The following ZNF827 variants were observed in gnomAD, a reference collection of about 807,000 sequenced individuals.
The protein encoded by ZNF827 is zinc finger protein 827.
Under a neutral mutation model 102.4 loss-of-function variants are expected in ZNF827, and 13 were observed. That is an observed-to-expected ratio of 0.13 (90% CI 0.08 to 0.20). The LOEUF is 0.20. Ranked by LOEUF, ZNF827 falls within the 10% of genes least tolerant of loss-of-function variation. ZNF827 has a pLI of 1.00. For synonymous variants in ZNF827, 523 were observed against 536.2 expected (o/e 0.98, Z 0.34); for missense variants, 1,103 against 1,344.4 (o/e 0.82, Z 2.81).
chr4:145,882,636 C>A (rs973103292), intron 4 of ZNF827, among the ~76,000 whole-genome samples: 1 of 152,172 alleles, frequency 6.6e-6, no homozygotes, highest in Admixed American at 6.5e-5. Flanking sequence ...AAGAAAGACT[C>A]CCCTTAATAA....
In ZNF827 at chr4:145,863,442, GCA is replaced by G. The variant is rs542284955; in HGVS notation, c.1981+6801_1981+6802del. 2.5e-3 allele frequency among the ~76,000 whole-genome samples: 379 copies of G among 152,264 alleles called. 2 individuals are homozygous for G. Among genetic ancestry groups the G allele is most frequent in the African/African-American group, 8.8e-3 (364 of 41,556 alleles). ...AAAACCTAAGCCCACACAAAAACTT[GCA>G]CATGAATGTTCATAGTAGCAGAAGA... On this transcript the variant is annotated intron_variant, in intron 5 of 14. Transcript: ENST00000508784.
Position 145,824,835 on chromosome 4 carries a change from T to A in ZNF827, c.2280-1310A>T, listed in dbSNP as rs141175160. ...CATGCCACAAGGCTATGGTTGCTAT[T>A]ATTCAATTTTAAAAAGAGAATGTTA... On this transcript the variant is annotated intron_variant, in intron 7 of 14. Coordinates refer to ENST00000508784, the MANE Select transcript of ZNF827 (RefSeq NM_001306215.2). Among the ~76,000 whole-genome samples, 298 of 152,382 alleles carry A rather than the reference T, an allele frequency of 2.0e-3. 1 individual carries two copies. Among genetic ancestry groups the A allele is most frequent in the African/African-American group, 6.8e-3 (282 of 41,594 alleles).
At position 145,899,811 on chromosome 4, in the gene ZNF827, A is replaced by G. The variant is rs145847651; in HGVS notation, c.1093+2355T>C. Among the ~76,000 whole-genome samples the G allele has an allele frequency of 4.2e-3, 647 of 152,308 alleles. 4 individuals are homozygous for G. The highest frequency in any genetic ancestry group is 0.014 in the African/African-American group (590 of 41,552). On this transcript the variant is annotated intron_variant, in intron 2 of 14. Transcript: ENST00000508784. ...GTTGGGGTGGGGAGGCCTTAGGTACAAGTCAATCAGCACAGGGTTCTATAA... is the reference window on the plus strand; with the variant it reads ...GTTGGGGTGGGGAGGCCTTAGGTACGAGTCAATCAGCACAGGGTTCTATAA...
chr4:145,768,890 A>AAAAAAAT (rs1553975847), intron 11 of ZNF827, among the ~76,000 whole-genome samples: 1 of 7,724 alleles, frequency 1.3e-4, no homozygotes. Context: ...AAAAAAAAAA[A>AAAAAAAT]ATATATATAT....
At chr4:145,863,520 A>G (rs1010959362) in intron 5 of ZNF827, among the ~76,000 whole-genome samples, 3 of 152,268 alleles carry the variant, frequency 2.0e-5, no homozygotes, top group Non-Finnish European at 2.9e-5. Context: ...TATCCATACA[A>G]TGGAATATCA....
At chr4:145,826,049 G>A (rs918080995) in intron 7 of ZNF827, among the ~76,000 whole-genome samples, 1 of 152,160 alleles carries the variant, frequency 6.6e-6, no homozygotes, top group Non-Finnish European at 1.5e-5. Context: ...GAAGATATTA[G>A]GTTAACAGGG....
intron 7 of ZNF827, among the ~76,000 whole-genome samples, chr4:145,842,314 G>A (rs1449461266): frequency 6.6e-6 from 1 of 152,214 alleles, no homozygotes; most frequent in Non-Finnish European, 1.5e-5. Context: ...GGTGTGAGGA[G>A]GGAGGATTTG....
chr4:145,774,731 T>C (rs1736790284), intron 10 of ZNF827, 59 bp from the exon 11 acceptor site: 1 of 1,559,874 alleles, frequency 6.4e-7, no homozygotes, highest in East Asian at 2.3e-5. Context: ...TACTTCTAAA[T>C]GTAGGCTGTC....
At chr4:145,933,499 C>G (rs760657749) in intron 1 of ZNF827, among the ~76,000 whole-genome samples, 1 of 152,064 alleles carries the variant, frequency 6.6e-6, no homozygotes, top group African/African-American at 2.4e-5. Flanking sequence ...TAAGAAATCC[C>G]GTTGCTTTTC....
chr4:145,891,784 T>G (rs1166941067), intron 3 of ZNF827, among the ~76,000 whole-genome samples: 1 of 152,096 alleles, frequency 6.6e-6, no homozygotes, highest in Non-Finnish European at 1.5e-5. Flanking sequence ...TTCCTCTTAG[T>G]TTGCAAGCTG....
intron 7 of ZNF827, among the ~76,000 whole-genome samples, chr4:145,836,653 C>T (rs1011372982): frequency 7.9e-5 from 12 of 152,032 alleles, no homozygotes; most frequent in African/African-American, 2.9e-4. Flanking sequence ...CTGTATCTCT[C>T]TGATCCACCT....
Position 145,823,437 on chromosome 4 carries a change from T to G in ZNF827, c.2368A>C (p.Arg790=). ...GTTTCCATACCTGGAGCTGATATTC[T>G]TCCGTGCAGCACGGAGTCACTGGGC... is the stretch of plus-strand genomic sequence containing the variant. The part of the protein sequence containing the change: ...LLPSDSVLHG[R]ISAPETEKIV... The change falls in exon 8 of 15, where the codon AGA becomes CGA. Residue 790 remains arginine (R), a synonymous_variant. Transcript: ENST00000508784. The G allele has an allele frequency of 6.2e-7, 1 of 1,613,632 alleles. No homozygotes were observed. The highest frequency in any genetic ancestry group is 8.5e-7 in the Non-Finnish European group (1 of 1,179,578).
intron 1 of ZNF827, among the ~76,000 whole-genome samples, chr4:145,923,537 T>C (rs976687057): frequency 6.6e-6 from 1 of 151,554 alleles, no homozygotes; most frequent in African/African-American, 2.4e-5. Context: ...GAGAACCGCT[T>C]GAACCCAGGA....
intron 8 of ZNF827, among the ~76,000 whole-genome samples, chr4:145,804,366 T>A (rs1247037794): frequency 6.6e-6 from 1 of 152,100 alleles, no homozygotes; most frequent in Non-Finnish European, 1.5e-5. Context: ...ATTATCTCAC[T>A]CCCTATCTCA....
chr4:145,781,129 G>C (rs1737926068), intron 8 of ZNF827, among the ~76,000 whole-genome samples: 1 of 145,758 alleles, frequency 6.9e-6, no homozygotes, highest in Admixed American at 6.9e-5. Flanking sequence ...CCGGGAGGTG[G>C]AGGTTGCAGT....
chr4:145,809,565 TTAC>T (rs1741813340), intron 8 of ZNF827, among the ~76,000 whole-genome samples: 1 of 152,224 alleles, frequency 6.6e-6, no homozygotes, highest in Admixed American at 6.5e-5. Flanking sequence ...CTATAATCCC[TTAC>T]TGCTCAGGAG....
intron 5 of ZNF827, among the ~76,000 whole-genome samples, chr4:145,859,515 T>C (rs1394198851): frequency 1.3e-5 from 2 of 152,168 alleles, no homozygotes; most frequent in Admixed American, 6.5e-5. Context: ...CACTAGTAGA[T>C]AATGTTCCCT....
intron 11 of ZNF827, among the ~76,000 whole-genome samples, chr4:145,771,789 T>C (rs1185763161): frequency 6.6e-6 from 1 of 152,242 alleles, no homozygotes; most frequent in African/African-American, 2.4e-5. Flanking sequence ...GAGCTTATCC[T>C]GTAGATCACA....
In ZNF827 at chr4:145,761,461, C is replaced by T. The variant is rs1560881302; in HGVS notation, c.*155G>A. 1 of 1,289,850 alleles carries T rather than the reference C, an allele frequency of 7.8e-7. No individual in the cohort carries two copies. Among genetic ancestry groups the T allele is most frequent in the South Asian group, 1.2e-5 (1 of 81,030 alleles). 79.9% of individuals were successfully genotyped at this position (1,289,850 alleles called of 1,614,324 possible). On this transcript the variant is annotated 3_prime_UTR_variant, in exon 15 of 15. Transcript: ENST00000508784. The surrounding 1 kb of genome is among the most constrained non-coding windows in gnomAD (Gnocchi z 6.8). ...GTAGTGGTTGCCCAGGCGGTGCTCCCGGGTGTGCGTCTCCAGCTCCAGCTG... is the reference window on the plus strand; with the variant it reads ...GTAGTGGTTGCCCAGGCGGTGCTCCTGGGTGTGCGTCTCCAGCTCCAGCTG...
Sources: allele counts gnomAD v4.1 joint callset (sites outside exome capture counted in the v4.1 genomes callset), GRCh38; gene constraint gnomAD v4.1.1; non-coding constraint Gnocchi (gnomAD v3.1); transcripts MANE v1.5; gene names NCBI Gene and HGNC (gene_info 2026-07-23, HGNC 2026-07-21).